The following DPYD variants were observed in gnomAD, a reference collection of about 807,000 sequenced individuals.
DPYD encodes the protein dihydropyrimidine dehydrogenase [NADP(+)].
A neutral mutation model predicts 116.2 loss-of-function variants in DPYD; 109 were observed. That is an observed-to-expected ratio of 0.94 (90% CI 0.80 to 1.10). The LOEUF (loss-of-function observed/expected upper bound fraction) is 1.10. DPYD is among the 50% of genes least tolerant of loss of function. The pLI, the probability that DPYD is intolerant of heterozygous loss-of-function variation, is 0.00. For synonymous variants in DPYD, 440 were observed against 432.0 expected (o/e 1.02, Z -0.23); for missense variants, 1,302 against 1,254.5 (o/e 1.04, Z -0.57).
At chr1:97,493,460 T>A (rs1679078989) in intron 13 of DPYD, among the ~76,000 whole-genome samples, 2 of 152,212 alleles carry the variant, frequency 1.3e-5, no homozygotes, top group Admixed American at 1.3e-4. Flanking sequence ...AGGTGTGAGA[T>A]CAGGGTCATT....
chr1:97,476,635 A>G (rs1677977169), intron 13 of DPYD, among the ~76,000 whole-genome samples: 1 of 152,182 alleles, frequency 6.6e-6, no homozygotes, highest in Non-Finnish European at 1.5e-5. Flanking sequence ...TTTTTGAACT[A>G]CAATCCCAGT....
At chr1:97,318,067 G>A (rs1327956192) in intron 16 of DPYD, among the ~76,000 whole-genome samples, 1 of 147,256 alleles carries the variant, frequency 6.8e-6, no homozygotes. Context: ...CCCTAAAAGA[G>A]CTCCTGAAGG....
At chr1:97,249,545 C>T (rs915438374) in intron 18 of DPYD, among the ~76,000 whole-genome samples, 8 of 151,338 alleles carry the variant, frequency 5.3e-5, no homozygotes, top group African/African-American at 9.7e-5. Context: ...ATTTCTGTAA[C>T]CCTGAATTAG....
intron 21 of DPYD, 67 bp downstream of exon 21, chr1:97,098,422 A>C (rs1650422387): frequency 1.3e-6 from 2 of 1,560,102 alleles, no homozygotes; most frequent in South Asian, 1.1e-5. Context: ...GTAAATAAAC[A>C]TTTTAACTAT....
intron 15 of DPYD, among the ~76,000 whole-genome samples, chr1:97,376,740 C>G (rs1463168736): frequency 6.6e-6 from 1 of 152,054 alleles, no homozygotes; most frequent in African/African-American, 2.4e-5. Context: ...AGAGTTTATT[C>G]CACCTCACCT....
intron 2 of DPYD, among the ~76,000 whole-genome samples, chr1:97,864,114 T>C (rs1271240034): frequency 6.6e-6 from 1 of 152,086 alleles, no homozygotes; most frequent in African/African-American, 2.4e-5. Context: ...TTTATAAGTG[T>C]CTGTTGTCTG....
chr1:97,376,813 T>C (rs72728428), intron 15 of DPYD, among the ~76,000 whole-genome samples: 30,995 of 149,676 alleles, frequency 0.21, 3,410 homozygotes, highest in South Asian at 0.37. Context: ...CTGTTACTAA[T>C]TTCCTACATT....
At chr1:97,541,220 C>T (rs1650429342) in intron 12 of DPYD, among the ~76,000 whole-genome samples, 2 of 152,220 alleles carry the variant, frequency 1.3e-5, no homozygotes, top group South Asian at 2.1e-4. Context: ...GTATGTTTCT[C>T]GCCCTGTTTC....
intron 20 of DPYD, among the ~76,000 whole-genome samples, chr1:97,129,606 C>T (rs1387324209): frequency 6.6e-6 from 1 of 152,096 alleles, no homozygotes; most frequent in Non-Finnish European, 1.5e-5. Flanking sequence ...CGTGGCTCTT[C>T]CGCAGGTTTC....
At chr1:97,655,354 A>G (rs888642996) in intron 8 of DPYD, among the ~76,000 whole-genome samples, 21 of 152,284 alleles carry the variant, frequency 1.4e-4, no homozygotes, top group African/African-American at 4.8e-4. Flanking sequence ...AGGCTAAGAC[A>G]TGGTCTCTTG....
intron 12 of DPYD, 85 bp from the exon 13 acceptor site, chr1:97,516,026 G>A (rs1648208655): frequency 7.9e-7 from 1 of 1,271,022 alleles, no homozygotes; most frequent in Non-Finnish European, 1.1e-6. Flanking sequence ...CTTCAACACA[G>A]CATCCGAATT....
chr1:97,425,785 C>T (rs891579103), intron 14 of DPYD, among the ~76,000 whole-genome samples: 2 of 151,082 alleles, frequency 1.3e-5, no homozygotes, highest in Non-Finnish European at 3.0e-5. Flanking sequence ...ACATTTGAAC[C>T]CTGACAGCAT....
In DPYD at chr1:97,688,022, T is replaced by A. The variant is rs988013983; in HGVS notation, c.762+3695A>T. ...AATCAGGATAATTAGCTAATGCATG[T>A]GAGGCTTAATACCTAGGTGATGTGT... is the stretch of plus-strand genomic sequence containing the variant. On this transcript the variant is annotated intron_variant, in intron 7 of 22. Transcript: ENST00000370192. Among the ~76,000 whole-genome samples, 3 of 152,114 alleles carry A rather than the reference T, an allele frequency of 2.0e-5. No individual in the cohort carries two copies. In the East Asian group the frequency reaches 5.8e-4, roughly 29 times the overall value.
chr1:97,400,848 T>C (rs920054498), intron 14 of DPYD, among the ~76,000 whole-genome samples: 1 of 152,170 alleles, frequency 6.6e-6, no homozygotes, highest in Non-Finnish European at 1.5e-5. Context: ...TTTTCTTCTT[T>C]ATTAGTCTTG....
At chr1:97,367,274 T>A (rs992088272) in intron 16 of DPYD, among the ~76,000 whole-genome samples, 1 of 151,432 alleles carries the variant, frequency 6.6e-6, no homozygotes, top group African/African-American at 2.4e-5. Context: ...AAAGCCTCTC[T>A]CTTTTTTTTA....
chr1:97,093,219 T>C (rs1650011562), intron 21 of DPYD, among the ~76,000 whole-genome samples: 1 of 152,178 alleles, frequency 6.6e-6, no homozygotes, highest in Non-Finnish European at 1.5e-5. Flanking sequence ...CTGTATGCTT[T>C]ATGAGGACAG....
chr1:97,735,985 G>T (rs1663919857), intron 4 of DPYD, among the ~76,000 whole-genome samples: 1 of 151,780 alleles, frequency 6.6e-6, no homozygotes, highest in South Asian at 2.1e-4. Context: ...AAAGTAAAAA[G>T]ATTTAACATG....
intron 13 of DPYD, among the ~76,000 whole-genome samples, chr1:97,480,130 T>A (rs1678217561): frequency 6.6e-6 from 1 of 152,174 alleles, no homozygotes. Flanking sequence ...AAAAATAATT[T>A]TTTTTTACTC....
chr1:97,232,491 C>T (rs1176009764), intron 19 of DPYD, among the ~76,000 whole-genome samples: 1 of 151,954 alleles, frequency 6.6e-6, no homozygotes, highest in African/African-American at 2.4e-5. Flanking sequence ...TCCATTCCTG[C>T]CTTTTTCACC....
Sources: allele counts gnomAD v4.1 joint callset (sites outside exome capture counted in the v4.1 genomes callset), GRCh38; gene constraint gnomAD v4.1.1; transcripts MANE v1.5; gene names NCBI Gene and HGNC (gene_info 2026-07-23, HGNC 2026-07-21).